Variants in PRKG1 observed in about 807,000 individuals in gnomAD.
The protein encoded by PRKG1 is protein kinase cGMP-dependent 1.
A neutral mutation model predicts 88.1 loss-of-function variants in PRKG1; 35 were observed. The observed-to-expected ratio is 0.40, with a 90% CI of 0.30 to 0.53. The LOEUF (loss-of-function observed/expected upper bound fraction) is 0.53, where lower values mean the gene tolerates loss of function less well. Ranked by LOEUF, PRKG1 falls within the 20% of genes least tolerant of loss-of-function variation. The pLI, the probability that PRKG1 is intolerant of heterozygous loss-of-function variation, is 0.59. For missense variants in PRKG1, 540 were observed against 839.8 expected (o/e 0.64, Z 4.41); for synonymous variants, 303 against 292.5 (o/e 1.04, Z -0.37).
chr10:52,157,306 G>GAGATAGATATATATATATATATATAT (rs1289803162), intron 8 of PRKG1, among the ~76,000 whole-genome samples: 1 of 125,936 alleles, frequency 7.9e-6, no homozygotes, highest in African/African-American at 2.9e-5. Flanking sequence ...TGAGTTAGTT[G>GAGATAGATATATATATATATATATAT]ATATATATAT....
At chr10:51,510,223 T>C (rs1367243634) in intron 3 of PRKG1, among the ~76,000 whole-genome samples, 1 of 152,174 alleles carries the variant, frequency 6.6e-6, no homozygotes, top group Non-Finnish European at 1.5e-5. Context: ...CAAATAAATA[T>C]AGTATATATT....
intron 4 of PRKG1, among the ~76,000 whole-genome samples, chr10:51,898,524 A>AT (rs1175707618): frequency 3.3e-5 from 5 of 151,932 alleles, no homozygotes; most frequent in African/African-American, 1.2e-4. Flanking sequence ...TTAAACAACA[A>AT]TTTTTTTCCA....
At position 52,117,164 on chromosome 10, in the gene PRKG1, C is replaced by CTGTGTGTGTGTGTG. The variant is rs71459438; in HGVS notation, c.936-16652_936-16639dup. 9.1e-3 allele frequency among the ~76,000 whole-genome samples: 1,261 copies of CTGTGTGTGTGTGTG among 139,290 alleles called. 20 individuals are homozygous for CTGTGTGTGTGTGTG. The highest frequency in any genetic ancestry group is 0.028 in the East Asian group (124 of 4,394). The allele number at this position is 139,290 out of a possible 152,430, so 91.4% of individuals were successfully genotyped here. On this transcript the variant is annotated intron_variant, in intron 7 of 17. Transcript: ENST00000373980. ...ATGCATGGATATCTATGTGAAATATCTGTGTGTGTGTGTGTGTGTGTGTGT... is the reference window on the plus strand; with the variant it reads ...ATGCATGGATATCTATGTGAAATATCTGTGTGTGTGTGTGTGTGTGTGTGTGTGTGTGTGTGTGT...
chr10:52,086,164 A>C (rs556304039), intron 7 of PRKG1, among the ~76,000 whole-genome samples: 1 of 152,096 alleles, frequency 6.6e-6, no homozygotes, highest in Admixed American at 6.6e-5. Context: ...TCCAAAAAAA[A>C]GTTTACTCAG....
At chr10:51,554,298 A>G (rs146560134) in intron 3 of PRKG1, among the ~76,000 whole-genome samples, 4,656 of 145,702 alleles carry the variant, frequency 0.032, 130 homozygotes, top group African/African-American at 0.073. Flanking sequence ...TTATATATGT[A>G]TATATAATAT....
chr10:51,699,388 TC>T (rs766567324), intron 3 of PRKG1: 11 of 1,614,100 alleles, frequency 6.8e-6, no homozygotes, highest in Non-Finnish European at 9.3e-6. Context: ...CCTTGGGTTT[TC>T]CCGTCTCTCT....
intron 3 of PRKG1, among the ~76,000 whole-genome samples, chr10:51,642,400 A>G (rs1373871219): frequency 1.3e-5 from 2 of 152,164 alleles, no homozygotes; most frequent in Non-Finnish European, 2.9e-5. Flanking sequence ...AAAAAATAAA[A>G]TAAAACTGAA....
At chr10:52,227,036 A>G (rs927283918) in intron 9 of PRKG1, among the ~76,000 whole-genome samples, 1 of 152,200 alleles carries the variant, frequency 6.6e-6, no homozygotes. Flanking sequence ...GAATTTTAAC[A>G]TCTGGTCCTT....
At chr10:51,949,776 A>G (rs11594267) in intron 5 of PRKG1, among the ~76,000 whole-genome samples, 17,018 of 152,186 alleles carry the variant, frequency 0.11, 1,202 homozygotes, top group East Asian at 0.35. Context: ...AAATTAAATC[A>G]TGTTTACATG....
At chr10:51,165,094 T>C (rs1846498473) in intron 2 of PRKG1, among the ~76,000 whole-genome samples, 1 of 152,014 alleles carries the variant, frequency 6.6e-6, no homozygotes, top group Non-Finnish European at 1.5e-5. Flanking sequence ...GACACATAAT[T>C]GTCAGATTCA....
At chr10:51,850,678 G>A (rs1840530442) in intron 4 of PRKG1, among the ~76,000 whole-genome samples, 1 of 151,964 alleles carries the variant, frequency 6.6e-6, no homozygotes, top group Non-Finnish European at 1.5e-5. Context: ...CAGAAAAATG[G>A]GCAAAGGTCA....
chr10:52,147,073 T>C (rs78316371), intron 8 of PRKG1, among the ~76,000 whole-genome samples: 1,667 of 152,330 alleles, frequency 0.011, 28 homozygotes, highest in East Asian at 0.059. Flanking sequence ...TCTTTAGTGA[T>C]TGCTTCTTTG....
intron 1 of PRKG1, among the ~76,000 whole-genome samples, chr10:51,127,196 T>G (rs138311918): frequency 6.6e-6 from 1 of 151,814 alleles, no homozygotes; most frequent in East Asian, 1.9e-4. Context: ...TGGGAGAAAA[T>G]TTTTGCAATC....
chr10:52,149,080 G>A (rs567573808), intron 8 of PRKG1, among the ~76,000 whole-genome samples: 1 of 149,594 alleles, frequency 6.7e-6, no homozygotes, highest in African/African-American at 2.5e-5. Flanking sequence ...TGGAGCAAGA[G>A]TCCAGAGGAG....
At chr10:51,657,259 T>C (rs559532252) in intron 3 of PRKG1, among the ~76,000 whole-genome samples, 1 of 152,264 alleles carries the variant, frequency 6.6e-6, no homozygotes, top group South Asian at 2.1e-4. Flanking sequence ...TTATATGGTT[T>C]TTTTGTTTAT....
intron 2 of PRKG1, among the ~76,000 whole-genome samples, chr10:51,184,303 A>G (rs1461847785): frequency 6.6e-6 from 1 of 152,204 alleles, no homozygotes; most frequent in Non-Finnish European, 1.5e-5. Flanking sequence ...TTGATGGAGC[A>G]ATGTTCATGG....
At chr10:51,622,074 C>G (rs912683236) in intron 3 of PRKG1, among the ~76,000 whole-genome samples, 2 of 152,186 alleles carry the variant, frequency 1.3e-5, no homozygotes, top group Non-Finnish European at 2.9e-5. Context: ...AATCTGATGA[C>G]ATGTGGCTCT....
intron 7 of PRKG1, among the ~76,000 whole-genome samples, chr10:52,081,076 C>T (rs1331238748): frequency 3.3e-5 from 5 of 152,196 alleles, no homozygotes; most frequent in Admixed American, 1.3e-4. Flanking sequence ...CTCTTCAACA[C>T]ACCACTTGCA....
rs1301648879 is a variant in PRKG1 at position 51,804,703 on chromosome 10, C to A, written c.698+13C>A. 6.6e-7 allele frequency: 1 copy of A among 1,504,246 alleles called. No individual in the cohort carries two copies. Among genetic ancestry groups the A allele is most frequent in the Non-Finnish European group, 9.2e-7 (1 of 1,081,660 alleles). The allele number at this position is 1,504,246 out of a possible 1,614,324, so 93.2% of individuals were successfully genotyped here. On this transcript the variant is annotated intron_variant, in intron 4 of 17. Coordinates refer to ENST00000373980, the MANE Select transcript of PRKG1 (RefSeq NM_006258.4). ...AATTTTTAAAAAGGTAGGATGCTTT[C>A]TTTTCTCTTGTGAGAGTGTTTACTT...
Sources: gnomAD v4.1 joint callset for allele counts (sites outside exome capture counted in the v4.1 genomes callset) on GRCh38, gnomAD v4.1.1 for gene constraint, MANE v1.5 for transcripts, NCBI Gene and HGNC (gene_info 2026-07-23, HGNC 2026-07-21) for gene names.